Variants in LLGL1 observed in about 807,000 individuals in gnomAD.
The protein encoded by LLGL1 is lethal(2) giant larvae protein homolog 1.
In LLGL1, 58 loss-of-function variants were observed where a neutral mutation model predicts 110.6. That is an observed-to-expected ratio of 0.52 (90% CI 0.42 to 0.65). The LOEUF (loss-of-function observed/expected upper bound fraction) is 0.65. Among genes scored for constraint, LLGL1 ranks in the 30% least tolerant of loss-of-function variants. The probability of loss-of-function intolerance (pLI) is 0.00; values close to 1 mark genes in which losing one functional copy is unlikely to be tolerated. For synonymous variants in LLGL1, 674 were observed against 607.2 expected, an observed-to-expected ratio of 1.11 and a Z score of -1.62; for missense variants, 1,229 against 1,462.1, an observed-to-expected ratio of 0.84 and a Z score of 2.60.
chr17:18,241,342 T>C (rs2047826758), intron 17 of LLGL1, 109 bp from the exon 18 acceptor site: 5 of 1,415,584 alleles, frequency 3.5e-6, no homozygotes, highest in East Asian at 4.8e-5. Context: ...CCACGTAGCA[T>C]GCAGCTGGGC....
rs2142654357 is a variant in LLGL1 at position 18,237,352 on chromosome 17, G to C, written c.1612-129G>C. ...GCATTCAGTGAGTGCTTGTTTAGCT[G>C]ATGAACTGAAGACAGTCCTAGAACC... is the stretch of plus-strand genomic sequence containing the variant. On this transcript the variant is annotated intron_variant, in intron 13 of 22. Coordinates refer to ENST00000316843, the MANE Select transcript of LLGL1 (RefSeq NM_004140.4). 3.4e-6 allele frequency: 3 copies of C among 879,442 alleles called. No individual in the cohort carries two copies. The East Asian group carries it at 8.0e-5, about 24-fold the overall frequency. The allele number at this position is 879,442 out of a possible 1,614,324, so 54.5% of individuals were successfully genotyped here.
Position 18,236,732 on chromosome 17 carries a change from C to A in LLGL1, c.1478C>A (p.Ala493Asp), listed in dbSNP as rs148379302. Residue 493 changes from alanine (A) to aspartate (D), a missense_variant, in exon 12 of 23, where the codon GCC becomes GAC. Coordinates refer to ENST00000316843, the MANE Select transcript of LLGL1 (RefSeq NM_004140.4). ...CEHADSLAQA[A>D]EDDWPPFRKV... ...CACGCTGACAGCCTGGCCCAGGCTG[C>A]CGAGGACGACTGGCCACCCTTCCGC... The A allele has an allele frequency of 2.0e-4, 317 of 1,612,270 alleles. No individual in the cohort carries two copies. Among genetic ancestry groups the A allele is most frequent in the Middle Eastern group, 4.9e-4 (3 of 6,084 alleles).
Position 18,233,764 on chromosome 17 carries a change from C to T in LLGL1, c.393-14C>T. On this transcript the variant is annotated splice_polypyrimidine_tract_variant and intron_variant, in intron 4 of 22. Coordinates refer to ENST00000316843, the MANE Select transcript of LLGL1 (RefSeq NM_004140.4). ...GGGCTTGTACCCTCACTCCCTTCCC[C>T]TTGTTCCCTGCAGTGCTCCGCTCAG... The T allele has an allele frequency of 1.9e-6, 3 of 1,608,250 alleles. No homozygotes were observed. Among genetic ancestry groups the T allele is most frequent in the Non-Finnish European group, 2.6e-6 (3 of 1,176,058 alleles).
chr17:18,242,400 C>G, intron 20 of LLGL1, 108 bp from the exon 21 acceptor site: 1 of 1,553,796 alleles, frequency 6.4e-7, no homozygotes, highest in East Asian at 2.3e-5. Flanking sequence ...TGTGTGCTCA[C>G]TGGTGCCACC....
Position 18,237,896 on chromosome 17 carries a change from A to T in LLGL1, c.1904+123A>T, listed in dbSNP as rs2047731745. 5 of 1,305,430 alleles carry T rather than the reference A, an allele frequency of 3.8e-6. No homozygotes were observed. In the Admixed American group the frequency reaches 1.2e-4, roughly 31 times the overall value. The allele number at this position is 1,305,430 out of a possible 1,614,324, so 80.9% of individuals were successfully genotyped here. A position where few individuals can be genotyped will look rare whatever the true frequency, so the allele number is the denominator to read the frequency against. On this transcript the variant is annotated intron_variant, in intron 14 of 22. Coordinates refer to ENST00000316843, the MANE Select transcript of LLGL1 (RefSeq NM_004140.4). ...TAACCTCCATTGCCCTATAAGAAAT[A>T]ACCTGGCAGCTCCAAGAAGGACATT...
In LLGL1 at chr17:18,236,724, C is replaced by T. The variant is rs775897345; in HGVS notation, c.1470C>T (p.Ala490=). 6.2e-7 allele frequency: 1 copy of T among 1,612,456 alleles called. No homozygotes were observed. The highest frequency in any genetic ancestry group is 8.5e-7 in the Non-Finnish European group (1 of 1,179,994). ...QTDCEHADSL[A]QAAEDDWPPF... ...ACTGTGAGCACGCTGACAGCCTGGC[C>T]CAGGCTGCCGAGGACGACTGGCCAC... Residue 490 remains alanine, a synonymous_variant, in exon 12 of 23, where the codon GCC becomes GCT. Transcript: ENST00000316843.
Position 18,238,503 on chromosome 17 carries a change from C to T in LLGL1, c.2100C>T (p.Asp700=), listed in dbSNP as rs772433021. Residue 700 remains aspartate (D), a synonymous_variant, in exon 16 of 23, where the codon GAC becomes GAT. Transcript: ENST00000316843. ...AQLAEQACPH[D]VEMTPVQRRI... is the part of the protein sequence containing the mutation. ...TGGCTGAGCAGGCCTGCCCCCACGA[C>T]GTGGAGATGACGCCCGTGCAGCGCC... The T allele has an allele frequency of 1.9e-5, 31 of 1,612,372 alleles. No homozygotes were observed. The Admixed American group carries it at 3.8e-4, about 20-fold the overall frequency.
Position 18,236,877 on chromosome 17 carries a change from G to T in LLGL1, c.1549G>T (p.Val517Leu). The T allele has an allele frequency of 6.2e-7, 1 of 1,613,858 alleles. No homozygotes were observed. The highest frequency in any genetic ancestry group is 8.5e-7 in the Non-Finnish European group (1 of 1,179,990). Residue 517 changes from valine (V) to leucine (L), a missense_variant, in exon 13 of 23, where the codon GTG (valine) becomes TTG (leucine). By Grantham distance (32) the Val-to-Leu change is conservative (BLOSUM62 1). Transcript: ENST00000316843. Reference protein sequence around the residue: ...DPYSDDPRLGVQKVALCKYTA... With the variant: ...DPYSDDPRLGLQKVALCKYTA... ...CTACAGTGACGATCCCCGGCTTGGC[G>T]TGCAGAAGGTTGCTCTCTGCAAGTA...
intron 4 of LLGL1, among the ~76,000 whole-genome samples, chr17:18,233,444 G>A (rs1395421473): frequency 6.6e-6 from 1 of 152,112 alleles, no homozygotes; most frequent in Non-Finnish European, 1.5e-5. Flanking sequence ...AGCGCTGGCA[G>A]CGGGATTCCT....
chr17:18,242,932 T>C (rs1050637057), intron 22 of LLGL1, 110 bp downstream of exon 22: 6 of 1,036,680 alleles, frequency 5.8e-6, no homozygotes. Flanking sequence ...GGCAGGCCCA[T>C]GTGATGGCAC....
chr17:18,229,712 G>A (rs751323939), intron 1 of LLGL1, among the ~76,000 whole-genome samples: 7 of 152,154 alleles, frequency 4.6e-5, no homozygotes, highest in African/African-American at 9.7e-5. Context: ...GACTATGCAC[G>A]CGGTACAGTC....
Position 18,242,551 on chromosome 17 carries a change from C to T in LLGL1, c.3039C>T (p.Ile1013=), listed in dbSNP as rs2290510. Residue 1013 remains isoleucine, a synonymous_variant, in exon 21 of 23, where the codon ATC becomes ATT. Transcript: ENST00000316843. ...AGGCTGCACTCTCACCCATGTCCAT[C>T]GACTCAGCCACCAGTGCTGACACCA... ...PPEAALSPMS[I]DSATSADTTL... 42 of 1,613,982 alleles carry T rather than the reference C, an allele frequency of 2.6e-5. No homozygotes were observed. The East Asian group carries it at 7.8e-4, about 30-fold the overall frequency.
intron 14 of LLGL1, 25 bp downstream of exon 14, chr17:18,237,798 C>T (rs556154160): frequency 1.3e-6 from 2 of 1,582,486 alleles, no homozygotes; most frequent in Admixed American, 1.7e-5. Flanking sequence ...GCCGGCTGGG[C>T]AGTTGGAGCC....
At chr17:18,228,165 G>A (rs1297069230) in intron 1 of LLGL1, among the ~76,000 whole-genome samples, 1 of 152,228 alleles carries the variant, frequency 6.6e-6, no homozygotes, top group African/African-American at 2.4e-5. Context: ...AAACAAAAAA[G>A]TAAAATAGAC....
chr17:18,233,772 C>T lies in LLGL1; in HGVS notation c.393-6C>T. 7.4e-6 allele frequency: 12 copies of T among 1,611,284 alleles called. No homozygotes were observed. Among genetic ancestry groups the T allele is most frequent in the Non-Finnish European group, 1.0e-5 (12 of 1,178,128 alleles). ...ACCCTCACTCCCTTCCCCTTGTTCC[C>T]TGCAGTGCTCCGCTCAGCCTTACCC... On this transcript the variant is annotated splice_region_variant and splice_polypyrimidine_tract_variant and intron_variant, in intron 4 of 22. Coordinates refer to ENST00000316843, the MANE Select transcript of LLGL1 (RefSeq NM_004140.4).
Position 18,241,709 on chromosome 17 carries a change from G to T in LLGL1, c.2761G>T (p.Gly921Cys). The T allele has an allele frequency of 6.2e-7, 1 of 1,612,800 alleles. No individual in the cohort carries two copies. Residue 921 changes from glycine to cysteine, a missense_variant, in exon 18 of 23, where the codon GGC becomes TGC. Transcript: ENST00000316843. ...CGCTTCGTGCGTCTTTACGCGCCAT[G>T]GCCAGGGTGAGGCGGGGCAGAGGCC... ...GIASCVFTRH[G>C]QGFYLISPSE...
chr17:18,236,564 C>T, intron 11 of LLGL1, 43 bp from the exon 12 acceptor site: 1 of 1,577,292 alleles, frequency 6.3e-7, no homozygotes, highest in Admixed American at 1.7e-5. Context: ...GCGTGCAGGC[C>T]TCCCAGGAAC....
rs1383623909 is a variant in LLGL1 at position 18,241,579 on chromosome 17, C to T, written c.2631C>T (p.Cys877=). 4 of 1,613,638 alleles carry T rather than the reference C, an allele frequency of 2.5e-6. No homozygotes were observed. In the East Asian group the frequency reaches 8.9e-5, roughly 36 times the overall value. The change falls in exon 18 of 23, where the codon TGC becomes TGT. Residue 877 remains cysteine (C), a synonymous_variant. Transcript: ENST00000316843. ...SVACEDYAET[C]LACLTNLGDV... Reference sequence around the variant, plus strand: ...CCTGCGAGGACTATGCTGAGACCTGCCTGGCCTGCCTCACCAACCTGGGTG... The same window carrying T: ...CCTGCGAGGACTATGCTGAGACCTGTCTGGCCTGCCTCACCAACCTGGGTG...
At position 18,240,549 on chromosome 17, in the gene LLGL1, G is replaced by A; in HGVS notation, c.2207-29G>A. 1 of 1,554,696 alleles carries A rather than the reference G, an allele frequency of 6.4e-7. No homozygotes were observed. The highest frequency in any genetic ancestry group is 1.2e-5 in the South Asian group (1 of 82,624). ...AGGGGAGATGCCTGGCCCACAGGGA[G>A]CACCCTCCTACGCGCTTGTTTTCTG... On this transcript the variant is annotated intron_variant, in intron 16 of 22. Transcript: ENST00000316843. The surrounding 1 kb of genome is among the most constrained non-coding windows in gnomAD (Gnocchi z 5.3).
Sources: gnomAD v4.1 joint callset for allele counts (sites outside exome capture counted in the v4.1 genomes callset) on GRCh38, gnomAD v4.1.1 for gene constraint, Gnocchi (gnomAD v3.1) non-coding constraint, MANE v1.5 for transcripts, NCBI Gene and HGNC (gene_info 2026-07-23, HGNC 2026-07-21) for gene names.